Variants in CDH22 observed in about 807,000 individuals in gnomAD.
CDH22 encodes the protein cadherin 22, also known as cadherin-22.
Under a neutral mutation model 58.4 loss-of-function variants are expected in CDH22, and 30 were observed. The ratio of observed to expected loss-of-function variants is 0.51; its 90% confidence interval spans 0.38 to 0.70. The LOEUF is 0.70. Among genes scored for constraint, CDH22 ranks in the 30% least tolerant of loss-of-function variants. The pLI, the probability that CDH22 is intolerant of heterozygous loss-of-function variation, is 0.00. For synonymous variants in CDH22, 513 were observed against 558.2 expected (o/e 0.92, Z 1.14); for missense variants, 1,014 against 1,233.9 (o/e 0.82, Z 2.67).
chr20:46,228,416 T>C (rs114486453), intron 3 of CDH22, among the ~76,000 whole-genome samples: 3,085 of 152,172 alleles, frequency 0.02, 64 homozygotes, highest in African/African-American at 0.045. Flanking sequence ...CATCAAACAG[T>C]GGCAATTAAG....
Position 46,216,968 on chromosome 20 carries a change from G to T in CDH22, c.696C>A (p.Asp232Glu). The T allele has an allele frequency of 6.2e-7, 1 of 1,600,836 alleles. No individual in the cohort carries two copies. The highest frequency in any genetic ancestry group is 1.1e-5 in the South Asian group (1 of 90,842). The change falls in exon 5 of 12, where the codon GAC (aspartate) becomes GAA (glutamate). Residue 232 changes from aspartate (D) to glutamate (E), a missense_variant. By Grantham distance (45) the Asp-to-Glu change is conservative. This residue lies in a region of CDH22 where 806 missense variants were observed against 1,038.7 expected (regional missense o/e 0.78). Coordinates refer to ENST00000537909, the MANE Select transcript of CDH22 (RefSeq NM_021248.3). This position sits in a 1 kb window ranked among gnomAD's most constrained non-coding sequence, Gnocchi z 5.3. ...KTGVIRTAVP[D>E]LDRESQERYE... ...AGCGCTCCTGGCTCTCGCGGTCAAG[G>T]TCAGGCACAGCCGTCCGGATTACGC... is the stretch of plus-strand genomic sequence containing the variant.
chr20:46,219,881 A>G (rs1158724165), intron 4 of CDH22: 1 of 152,248 alleles, frequency 6.6e-6, no homozygotes, highest in East Asian at 1.9e-4. Flanking sequence ...CATAGCCAGG[A>G]CGCTGAGGCT....
Position 46,241,037 on chromosome 20 carries a change from TG to T in CDH22, c.475del (p.Gln159ArgfsTer29). On this transcript the variant is annotated frameshift_variant, in exon 3 of 12. Coordinates refer to ENST00000537909, the MANE Select transcript of CDH22 (RefSeq NM_021248.3). LOFTEE classifies it high-confidence loss of function. This position sits in a 1 kb window ranked among gnomAD's most constrained non-coding sequence, Gnocchi z 5.2. ...GCGGGGCTCACTGTCATTGATGTCC[TG>T]CACCTTGATGATGAACTCCGACTCG... ...EPESEFIIKV[Q>X]DINDSEPRFL... is the part of the protein sequence containing the mutation. The T allele has an allele frequency of 6.2e-7, 1 of 1,614,148 alleles. No homozygotes were observed. The highest frequency in any genetic ancestry group is 2.2e-5 in the East Asian group (1 of 44,880).
chr20:46,198,561 G>A (rs910951934), intron 8 of CDH22, among the ~76,000 whole-genome samples: 11 of 151,974 alleles, frequency 7.2e-5, no homozygotes, highest in African/African-American at 2.4e-4. Context: ...CTAAGGCCCC[G>A]TTTCCCTCTC....
chr20:46,227,402 G>A (rs141065363), intron 4 of CDH22, 106 bp downstream of exon 4: 2 of 1,142,248 alleles, frequency 1.8e-6, no homozygotes, highest in African/African-American at 3.1e-5. Flanking sequence ...TGTCCTCAGA[G>A]CTTCTGGGAC....
chr20:46,195,875 C>A (rs2085897101), intron 8 of CDH22, among the ~76,000 whole-genome samples: 1 of 152,138 alleles, frequency 6.6e-6, no homozygotes, highest in South Asian at 2.1e-4. Context: ...TGGCTCCTGG[C>A]TGAGTGCAAC....
chr20:46,287,147 G>GTAAGCTTGCATGAA (rs2086580230), intron 1 of CDH22, among the ~76,000 whole-genome samples: 1 of 152,092 alleles, frequency 6.6e-6, no homozygotes, highest in South Asian at 2.1e-4. Flanking sequence ...TATCATCTGT[G>GTAAGCTTGCATGAA]TAACCTTGCA....
At position 46,221,975 on chromosome 20, in the gene CDH22, G is replaced by C. The variant is rs149216135; in HGVS notation, c.671-4982C>G. Among the ~76,000 whole-genome samples the C allele has an allele frequency of 9.9e-3, 1,506 of 152,288 alleles. 21 individuals carry two copies. The highest frequency in any genetic ancestry group is 0.03 in the Admixed American group (458 of 15,290). ...CTGCACAGACTCAGATAGGCTGCAG[G>C]AGGACTCTGGGGCCAGACAGATATG... On this transcript the variant is annotated intron_variant, in intron 4 of 11. Transcript: ENST00000537909.
At chr20:46,235,420 T>C (rs1323147656) in intron 3 of CDH22, among the ~76,000 whole-genome samples, 8 of 152,238 alleles carry the variant, frequency 5.3e-5, no homozygotes, top group Admixed American at 3.3e-4. Flanking sequence ...CTCTCTCTGC[T>C]GCTGACTTCC....
At chr20:46,298,398 C>T (rs948228100) in intron 1 of CDH22, among the ~76,000 whole-genome samples, 3 of 152,172 alleles carry the variant, frequency 2.0e-5, no homozygotes, top group African/African-American at 7.2e-5. Flanking sequence ...ACATAGTAGG[C>T]TCACAAGAAA....
intron 5 of CDH22, 96 bp from the exon 6 acceptor site, chr20:46,213,284 C>A: frequency 1.2e-6 from 1 of 811,912 alleles, no homozygotes; most frequent in Non-Finnish European, 2.0e-6. Context: ...AGGTGAGCCT[C>A]TATGGAGGAC....
intron 3 of CDH22, among the ~76,000 whole-genome samples, chr20:46,239,370 G>T (rs1345758836): frequency 6.6e-6 from 1 of 152,202 alleles, no homozygotes; most frequent in Non-Finnish European, 1.5e-5. Flanking sequence ...CATCAGGCAT[G>T]CATGCATGCA....
rs143833064 is a variant in CDH22 at position 46,238,352 on chromosome 20, C to T, written c.550+2611G>A. Reference sequence around the variant, plus strand: ...TGTGACCTTGGACATGTCACTGTCTCTCTGAGCCCCAGTTTACCCATTAGC... The same window carrying T: ...TGTGACCTTGGACATGTCACTGTCTTTCTGAGCCCCAGTTTACCCATTAGC... On this transcript the variant is annotated intron_variant, in intron 3 of 11. Coordinates refer to ENST00000537909, the MANE Select transcript of CDH22 (RefSeq NM_021248.3). Among the ~76,000 whole-genome samples, 592 of 152,282 alleles carry T rather than the reference C, an allele frequency of 3.9e-3. 10 individuals carry two copies. Among genetic ancestry groups the T allele is most frequent in the Non-Finnish European group, 2.8e-3 (193 of 68,030 alleles).
intron 1 of CDH22, among the ~76,000 whole-genome samples, chr20:46,279,021 A>G (rs1287376124): frequency 6.6e-6 from 1 of 152,158 alleles, no homozygotes; most frequent in East Asian, 1.9e-4. Context: ...AGGAAGGCCA[A>G]GTTCTGGTCC....
chr20:46,218,016 C>T (rs994924144), intron 4 of CDH22, among the ~76,000 whole-genome samples: 1 of 151,964 alleles, frequency 6.6e-6, no homozygotes, highest in Non-Finnish European at 1.5e-5. Context: ...AACCTCCTCC[C>T]GGGTTCAAGC....
chr20:46,179,991 T>TTTTTTTTTTTTTTTTTTTTGAGAC (rs2085772792), intron 10 of CDH22, among the ~76,000 whole-genome samples: 2 of 152,106 alleles, frequency 1.3e-5, no homozygotes, highest in African/African-American at 4.8e-5. Context: ...CCTCCTTTCT[T>TTTTTTTTTTTTTTTTTTTTGAGAC]GTGGCCTCCT....
chr20:46,294,278 C>T (rs879363603), intron 1 of CDH22, among the ~76,000 whole-genome samples: 2 of 152,110 alleles, frequency 1.3e-5, no homozygotes, highest in East Asian at 1.9e-4. Flanking sequence ...TGGTTGCAAA[C>T]GAAGTGGGTT....
intron 2 of CDH22, among the ~76,000 whole-genome samples, chr20:46,250,372 G>C (rs181322150): frequency 6.6e-6 from 1 of 152,344 alleles, no homozygotes; most frequent in East Asian, 1.9e-4. Context: ...ATGAAGGAAA[G>C]ATGCTGGGAC....
At chr20:46,274,885 G>A (rs1211631038) in intron 1 of CDH22, among the ~76,000 whole-genome samples, 3 of 151,292 alleles carry the variant, frequency 2.0e-5, no homozygotes, top group Non-Finnish European at 2.9e-5. Context: ...GAAATGTCCC[G>A]AATAGGCAAC....
Sources: allele counts gnomAD v4.1 joint callset (sites outside exome capture counted in the v4.1 genomes callset), GRCh38; gene constraint gnomAD v4.1.1; regional missense constraint gnomAD v4.1.1; non-coding constraint Gnocchi (gnomAD v3.1); transcripts MANE v1.5; gene names NCBI Gene and HGNC (gene_info 2026-07-23, HGNC 2026-07-21).